Variants in ADGRG1 observed in about 807,000 individuals in gnomAD.
The protein encoded by ADGRG1 is adhesion G protein-coupled receptor G1, also known as 7-transmembrane protein with no EGF-like N-terminal domains-1.
In ADGRG1, 53 loss-of-function variants were observed where a neutral mutation model predicts 73.5. The ratio of observed to expected loss-of-function variants is 0.72; its 90% CI spans 0.58 to 0.91. The LOEUF (loss-of-function observed/expected upper bound fraction) is 0.91, where lower values mean the gene tolerates loss of function less well. Among genes scored for constraint, ADGRG1 ranks in the 40% least tolerant of loss-of-function variants. The probability of loss-of-function intolerance (pLI) is 0.00; values close to 1 mark genes in which losing one functional copy is unlikely to be tolerated. For missense variants in ADGRG1, 795 were observed against 871.8 expected (o/e 0.91, Z 1.11); for synonymous variants, 394 against 374.4 (o/e 1.05, Z -0.60).
chr16:57,625,862 A>G (rs190183371), upstream of ADGRG1, among the ~76,000 whole-genome samples: 2 of 151,974 alleles, frequency 1.3e-5, no homozygotes, highest in Admixed American at 1.3e-4. Context: ...TCCATGCCCT[A>G]CCTCTCCACC....
intron 1 of ADGRG1, chr16:57,647,656 A>T: frequency 2.4e-6 from 1 of 425,092 alleles, no homozygotes; most frequent in Non-Finnish European, 3.1e-6. Flanking sequence ...GTCTGGCTCT[A>T]GAGTCTACCC....
chr16:57,661,260 T>C (rs2047007836), intron 12 of ADGRG1: 1 of 984,756 alleles, frequency 1.0e-6, no homozygotes, highest in Non-Finnish European at 1.2e-6. Flanking sequence ...TGAGGGCTGG[T>C]GTGCTGTTCG....
chr16:57,645,241 G>A, intron 1 of ADGRG1: 3 of 985,458 alleles, frequency 3.0e-6, no homozygotes, highest in Non-Finnish European at 3.6e-6. Context: ...GAGCTGGGGG[G>A]GTCTTCCCCT....
upstream of ADGRG1, chr16:57,626,598 C>A (rs538159525): frequency 1.7e-5 from 17 of 985,442 alleles, no homozygotes; most frequent in African/African-American, 1.9e-4. Flanking sequence ...GCCCCATAAG[C>A]CTCTCCTATG....
At chr16:57,629,093 TGTAA>T in intron 1 of ADGRG1, 1 of 769,016 alleles carries the variant, frequency 1.3e-6, no homozygotes, top group African/African-American at 1.9e-5. Flanking sequence ...TGTATGTGAG[TGTAA>T]GTGTGGATGT....
intron 1 of ADGRG1, chr16:57,645,473 G>A: frequency 3.1e-6 from 1 of 321,222 alleles, no homozygotes; most frequent in Non-Finnish European, 4.5e-6. Flanking sequence ...GGAGCCTGAT[G>A]GGTCTGCGTC....
chr16:57,651,105 C>T (rs923742653), intron 2 of ADGRG1, 95 bp from the exon 3 acceptor site: 2 of 1,602,946 alleles, frequency 1.2e-6, no homozygotes, highest in Admixed American at 1.7e-5. Flanking sequence ...ATCTCAGGCT[C>T]CAGGTTCACA....
At chr16:57,655,365 C>T (rs767121633) in intron 5 of ADGRG1, 34 bp from the exon 6 acceptor site, 13 of 1,609,138 alleles carry the variant, frequency 8.1e-6, no homozygotes, top group Admixed American at 6.7e-5. Flanking sequence ...TCTAGGGGTC[C>T]GCATTTGGCT....
At chr16:57,644,444 A>G (rs1274000942) in intron 1 of ADGRG1, among the ~76,000 whole-genome samples, 2 of 139,928 alleles carry the variant, frequency 1.4e-5, no homozygotes, top group Admixed American at 7.2e-5. Flanking sequence ...TCACACATTC[A>G]TGCACATGCA....
chr16:57,639,682 C>T (rs2040269392), intron 1 of ADGRG1: 2 of 984,144 alleles, frequency 2.0e-6, no homozygotes, highest in Non-Finnish European at 2.4e-6. Context: ...TACGATTCTC[C>T]CGCCTCCTCT....
rs727503955 is a variant in ADGRG1 at position 57,660,790 on chromosome 16, G to A, written c.1578G>A (p.Thr526=). ...CAGGCTTCCCCATCTTTCTGGTGAC[G>A]CTGGTGGCCCTGGTGGATGTGGACA... ...MGWGFPIFLV[T]LVALVDVDNY... is the part of the protein sequence containing the mutation. The change falls in exon 12 of 14, where the codon ACG becomes ACA. Residue 526 remains threonine (T), a synonymous_variant. Coordinates refer to ENST00000562631, the MANE Select transcript of ADGRG1 (RefSeq NM_201525.4). The A allele has an allele frequency of 2.5e-5, 40 of 1,612,486 alleles. No individual in the cohort carries two copies. The highest frequency in any genetic ancestry group is 6.7e-5 in the East Asian group (3 of 44,878).
chr16:57,652,110 C>T, intron 3 of ADGRG1: 1 of 1,044,524 alleles, frequency 9.6e-7, no homozygotes, highest in Non-Finnish European at 1.2e-6. Flanking sequence ...GATTTGAACC[C>T]AGCAGCTGAT....
At chr16:57,657,284 G>C (rs530280550) in intron 9 of ADGRG1, 89 bp from the exon 10 acceptor site, 6 of 1,598,068 alleles carry the variant, frequency 3.8e-6, no homozygotes, top group Admixed American at 3.4e-5. Context: ...AGGCCCACCA[G>C]GGACCCCAGG....
At chr16:57,648,202 G>A (rs1455935033) in intron 1 of ADGRG1, among the ~76,000 whole-genome samples, 2 of 152,096 alleles carry the variant, frequency 1.3e-5, no homozygotes, top group African/African-American at 2.4e-5. Flanking sequence ...AATCAGAGGG[G>A]GACAGCAACA....
At position 57,628,885 on chromosome 16, in the gene ADGRG1, AG is replaced by A. The variant is rs2036537209; in HGVS notation, c.-36+84del. On this transcript the variant is annotated intron_variant, in intron 1 of 13. Transcript: ENST00000562631. ...GTGAGTGTGTGAGCGTGAGTGTGTG[AG>A]AGTGTGAGTGTGTGAGTGTGAGTGT... The A allele has an allele frequency of 5.1e-6, 4 of 781,574 alleles. No individual in the cohort carries two copies. The African/African-American group carries it at 8.7e-5, about 17-fold the overall frequency. The allele number at this position is 781,574 out of a possible 1,614,324, so 48.4% of individuals were successfully genotyped here. A position where few individuals can be genotyped will look rare whatever the true frequency, so the allele number is the denominator to read the frequency against.
At chr16:57,631,929 C>T in intron 1 of ADGRG1, 1 of 970,360 alleles carries the variant, frequency 1.0e-6, no homozygotes, top group South Asian at 4.8e-5. Flanking sequence ...GGAAGGGACA[C>T]ACATTTTCTG....
intron 6 of ADGRG1, 133 bp downstream of exon 6, chr16:57,655,663 C>A (rs2045531472): frequency 1.3e-6 from 2 of 1,584,782 alleles, no homozygotes; most frequent in Non-Finnish European, 1.7e-6. Context: ...AATTGCACTG[C>A]AATGTGCAAA....
At chr16:57,636,564 C>T in intron 1 of ADGRG1, 1 of 985,212 alleles carries the variant, frequency 1.0e-6, no homozygotes, top group Non-Finnish European at 1.2e-6. Flanking sequence ...ATCCCCTATC[C>T]CCTACCCCTC....
At chr16:57,627,295 G>A (rs77769326), upstream of ADGRG1, 39 of 156,928 alleles carry the variant, frequency 2.5e-4, no homozygotes, top group Non-Finnish European at 3.9e-4. Context: ...GATCTCTACC[G>A]GAGAGAAGGA....
Sources: gnomAD v4.1 joint callset for allele counts (sites outside exome capture counted in the v4.1 genomes callset) on GRCh38, gnomAD v4.1.1 for gene constraint, MANE v1.5 for transcripts, NCBI Gene and HGNC (gene_info 2026-07-23, HGNC 2026-07-21) for gene names.